RABGAP1L: variants seen among roughly 807,000 people sequenced by gnomAD.
RABGAP1L encodes RAB GTPase activating protein 1 like, also known as rab GTPase-activating protein 1-like.
RABGAP1L carries 63 observed loss-of-function variants against 137.7 expected under a neutral mutation model. The observed-to-expected ratio is 0.46, with a 90% CI of 0.37 to 0.56. RABGAP1L has a LOEUF of 0.56. Ranked by LOEUF, RABGAP1L falls within the 20% of genes least tolerant of loss-of-function variation. RABGAP1L has a pLI of 0.00. For synonymous variants in RABGAP1L, 431 were observed against 433.7 expected, an observed-to-expected ratio of 0.99 and a Z score of 0.08; for missense variants, 1,095 against 1,244.0, an observed-to-expected ratio of 0.88 and a Z score of 1.80.
chr1:174,228,361 A>G (rs998340269), intron 3 of RABGAP1L, among the ~76,000 whole-genome samples: 8 of 151,742 alleles, frequency 5.3e-5, no homozygotes, highest in African/African-American at 1.9e-4. Flanking sequence ...GTTCACATTC[A>G]TCTTATATTT....
chr1:174,700,563 A>C (rs1022861552), intron 16 of RABGAP1L: 4 of 153,170 alleles, frequency 2.6e-5, no homozygotes, highest in African/African-American at 9.7e-5. Context: ...AGATTAGAAG[A>C]ACAGGGCAGT....
At chr1:174,503,271 T>A (rs997600611) in intron 13 of RABGAP1L, among the ~76,000 whole-genome samples, 2 of 152,168 alleles carry the variant, frequency 1.3e-5, no homozygotes, top group Non-Finnish European at 2.9e-5. Flanking sequence ...CAAGAAAGAA[T>A]CCATATGGCC....
At chr1:174,531,625 T>TG (rs1400341382) in intron 13 of RABGAP1L, among the ~76,000 whole-genome samples, 2 of 151,624 alleles carry the variant, frequency 1.3e-5, no homozygotes, top group Non-Finnish European at 2.9e-5. Flanking sequence ...TCAAGCTACT[T>TG]GGGGGGCCAA....
At chr1:174,276,419 A>C (rs867493794) in intron 9 of RABGAP1L, among the ~76,000 whole-genome samples, 1 of 152,172 alleles carries the variant, frequency 6.6e-6, no homozygotes, top group Non-Finnish European at 1.5e-5. Flanking sequence ...CACTGGGATT[A>C]CAGATGTGAG....
chr1:174,274,196 T>C (rs1674779623), intron 8 of RABGAP1L, among the ~76,000 whole-genome samples: 3 of 152,128 alleles, frequency 2.0e-5, no homozygotes, highest in Non-Finnish European at 4.4e-5. Context: ...TTTTACTCCT[T>C]CTATGACACT....
At chr1:174,280,848 G>A (rs139474972) in intron 10 of RABGAP1L, among the ~76,000 whole-genome samples, 9,230 of 152,128 alleles carry the variant, frequency 0.061, 981 homozygotes, top group African/African-American at 0.21. Flanking sequence ...GGACCCTTGC[G>A]GTGAGTGTTA....
intron 13 of RABGAP1L, among the ~76,000 whole-genome samples, chr1:174,534,252 G>A (rs879843808): frequency 5.3e-5 from 8 of 150,558 alleles, no homozygotes; most frequent in South Asian, 2.1e-4. Context: ...AAATATGATC[G>A]TCTACAGTTT....
At chr1:174,259,864 T>A (rs1242243405) in intron 7 of RABGAP1L, among the ~76,000 whole-genome samples, 1 of 150,984 alleles carries the variant, frequency 6.6e-6, no homozygotes, top group Non-Finnish European at 1.5e-5. Context: ...AGACAGAGTC[T>A]CACTCTGTCA....
intron 1 of RABGAP1L, among the ~76,000 whole-genome samples, chr1:174,175,506 T>C (rs562852292): frequency 1.6e-4 from 24 of 151,644 alleles, no homozygotes; most frequent in African/African-American, 5.8e-4. Context: ...TTTTTTTTTT[T>C]TGAGACAGAG....
In RABGAP1L at chr1:174,375,890, C is replaced by T. The variant is rs547930177; in HGVS notation, c.1559+4818C>T. Among the ~76,000 whole-genome samples the T allele has an allele frequency of 1.7e-4, 26 of 152,080 alleles. No individual in the cohort carries two copies. The South Asian group carries it at 5.0e-3, about 29-fold the overall frequency. On this transcript the variant is annotated intron_variant, in intron 12 of 25. Transcript: ENST00000681986. ...GACCAGCCTAGCCAACATAATGAAA[C>T]CCTATCTCTACTAAAAATATCAAAA...
chr1:174,633,523 G>A (rs1557929941), intron 13 of RABGAP1L, among the ~76,000 whole-genome samples: 1 of 149,998 alleles, frequency 6.7e-6, no homozygotes, highest in Non-Finnish European at 1.5e-5. Flanking sequence ...CACAGAATTG[G>A]AAAAAACTAC....
At chr1:174,667,626 T>C (rs1273502868) in intron 14 of RABGAP1L, among the ~76,000 whole-genome samples, 1 of 152,220 alleles carries the variant, frequency 6.6e-6, no homozygotes, top group Non-Finnish European at 1.5e-5. Flanking sequence ...ATAGTCTTCC[T>C]TCAAAAACAG....
At chr1:174,569,020 A>G (rs1224220617) in intron 13 of RABGAP1L, among the ~76,000 whole-genome samples, 1 of 152,194 alleles carries the variant, frequency 6.6e-6, no homozygotes, top group Non-Finnish European at 1.5e-5. Flanking sequence ...TAACCTTATA[A>G]TGGAAGATTC....
chr1:174,750,091 G>C (rs1048209026), intron 17 of RABGAP1L, among the ~76,000 whole-genome samples: 1 of 151,996 alleles, frequency 6.6e-6, no homozygotes, highest in African/African-American at 2.4e-5. Flanking sequence ...GGATGGTCTC[G>C]ATCTCCTGAC....
At chr1:174,647,323 A>G (rs536333948) in intron 14 of RABGAP1L, among the ~76,000 whole-genome samples, 1 of 152,272 alleles carries the variant, frequency 6.6e-6, no homozygotes, top group East Asian at 1.9e-4. Flanking sequence ...TTGCCCATTC[A>G]GTATGATATT....
intron 11 of RABGAP1L, among the ~76,000 whole-genome samples, chr1:174,315,817 T>C (rs1371936748): frequency 6.6e-5 from 10 of 152,264 alleles, no homozygotes; most frequent in Admixed American, 6.5e-4. Flanking sequence ...TCCATTTCAA[T>C]ACATTTTCTA....
At chr1:174,580,644 G>A (rs572747312) in intron 13 of RABGAP1L, among the ~76,000 whole-genome samples, 1 of 152,098 alleles carries the variant, frequency 6.6e-6, no homozygotes, top group African/African-American at 2.4e-5. Context: ...GTGGGAGGAG[G>A]GGGGAGGGAT....
At chr1:174,886,812 C>CTT (rs11385190) in intron 19 of RABGAP1L, among the ~76,000 whole-genome samples, 35 of 149,190 alleles carry the variant, frequency 2.3e-4, no homozygotes, top group Middle Eastern at 3.5e-3. Flanking sequence ...CCATTTAATT[C>CTT]TTTTTTTTTT....
In RABGAP1L at chr1:174,699,554, G is replaced by A. The variant is rs1679499961; in HGVS notation, c.1929G>A (p.Leu643=). The change falls in exon 16 of 26, where the codon TTG becomes TTA. Residue 643 remains leucine, a synonymous_variant. Transcript: ENST00000681986. ...HMPEEQAFCV[L]VKIMYDYGLR... The stretch of plus-strand genomic sequence containing the variant: ...CAGAGGAACAAGCATTCTGTGTTTT[G>A]GTGAAAATCATGTACGACTATGGTT... The A allele has an allele frequency of 6.2e-7, 1 of 1,612,070 alleles. No homozygotes were observed. The highest frequency in any genetic ancestry group is 1.3e-5 in the African/African-American group (1 of 74,824).
Sources: allele counts gnomAD v4.1 joint callset (sites outside exome capture counted in the v4.1 genomes callset), GRCh38; gene constraint gnomAD v4.1.1; transcripts MANE v1.5; gene names NCBI Gene and HGNC (gene_info 2026-07-23, HGNC 2026-07-21).